KNL1: variants seen among roughly 807,000 people sequenced by gnomAD.
The protein encoded by KNL1 is kinetochore scaffold 1, also known as outer kinetochore KNL1 complex subunit KNL1.
A neutral mutation model predicts 201.3 loss-of-function variants in KNL1; 66 were observed. The ratio of observed to expected loss-of-function variants is 0.33; its 90% CI spans 0.27 to 0.40. KNL1 has a LOEUF of 0.40. KNL1 is among the 10% of genes least tolerant of loss of function. The pLI is 1.00. For missense variants in KNL1, 2,815 were observed against 2,690.5 expected (o/e 1.05, Z -1.02); for synonymous variants, 895 against 899.2 (o/e 1.00, Z 0.08).
At chr15:40,617,398 A>G (rs758398519) in intron 8 of KNL1, among the ~76,000 whole-genome samples, 2 of 152,260 alleles carry the variant, frequency 1.3e-5, no homozygotes, top group Non-Finnish European at 2.9e-5. Flanking sequence ...AGTCCATGAC[A>G]GAAAAGGAAT....
intron 13 of KNL1, among the ~76,000 whole-genome samples, chr15:40,634,867 C>G (rs1893010444): frequency 6.6e-6 from 1 of 152,046 alleles, no homozygotes; most frequent in Non-Finnish European, 1.5e-5. Context: ...CCTCCCAGGT[C>G]TTGCTGAAGT....
Position 40,663,636 on chromosome 15 carries a change from A to G in KNL1, c.*1448A>G, listed in dbSNP as rs1893975861. On this transcript the variant is annotated 3_prime_UTR_variant, in exon 26 of 26. Transcript: ENST00000399668. ...TTCATCAATTTCTAGCAGTAATAATAGACTTGCTGTAAGTATTGTTTTCTG... is the reference window on the plus strand; with the variant it reads ...TTCATCAATTTCTAGCAGTAATAATGGACTTGCTGTAAGTATTGTTTTCTG... 1 of 194,962 alleles carries G rather than the reference A, an allele frequency of 5.1e-6. No homozygotes were observed. Among genetic ancestry groups the G allele is most frequent in the African/African-American group, 2.3e-5 (1 of 43,246 alleles). The allele number at this position is 194,962 out of a possible 1,614,324, so 12.1% of individuals were successfully genotyped here. A position where few individuals can be genotyped will look rare whatever the true frequency, so the allele number is the denominator to read the frequency against.
chr15:40,610,386 T>C, intron 6 of KNL1, 89 bp downstream of exon 6: 1 of 733,164 alleles, frequency 1.4e-6, no homozygotes, highest in Non-Finnish European at 2.4e-6. Flanking sequence ...TAACTTATTG[T>C]CTATCTTATT....
intron 13 of KNL1, among the ~76,000 whole-genome samples, chr15:40,636,047 A>G (rs376031227): frequency 6.6e-6 from 1 of 152,258 alleles, no homozygotes; most frequent in South Asian, 2.1e-4. Context: ...CATGTTGACC[A>G]GGCTGGTCTC....
At chr15:40,657,297 C>A in intron 23 of KNL1, 58 bp from the exon 24 acceptor site, 2 of 1,109,654 alleles carry the variant, frequency 1.8e-6, no homozygotes, top group Non-Finnish European at 1.4e-6. Context: ...GTAAGTGAGC[C>A]ACTAAGCATT....
intron 17 of KNL1, among the ~76,000 whole-genome samples, chr15:40,648,829 CTTT>C (rs35251316): frequency 9.7e-5 from 10 of 103,268 alleles, no homozygotes; most frequent in Admixed American, 9.7e-5. Context: ...ACTTAACTTT[CTTT>C]TTTTTTTTTT....
intron 4 of KNL1, among the ~76,000 whole-genome samples, chr15:40,608,326 T>C (rs1270354130): frequency 2.8e-5 from 4 of 145,262 alleles, no homozygotes; most frequent in African/African-American, 1.0e-4. Context: ...ATACAAAAAA[T>C]TAGAGGTTGA....
rs770237054 is a variant in KNL1 at position 40,624,732 on chromosome 15, C to T, written c.4468C>T (p.Pro1490Ser). Residue 1490 changes from proline to serine, a missense_variant, in exon 10 of 26, where the codon CCC becomes TCC. Pro to Ser is a moderately conservative substitution (Grantham distance 74). Coordinates refer to ENST00000399668, the MANE Select transcript of KNL1 (RefSeq NM_144508.5). ...NSSAPICENK[P>S]KILNSEEWFA... is the part of the protein sequence containing the mutation. ...CTCTGCACCCATATGTGAAAACAAG[C>T]CCAAAATACTCAATAGTGAGGAATG... 3.1e-6 allele frequency: 5 copies of T among 1,613,482 alleles called. No homozygotes were observed. In the South Asian group the frequency reaches 3.3e-5, roughly 11 times the overall value.
At chr15:40,652,760 C>CAAAAAAA (rs3986318) in intron 21 of KNL1, among the ~76,000 whole-genome samples, 2 of 116,784 alleles carry the variant, frequency 1.7e-5, no homozygotes, top group African/African-American at 3.2e-5. Flanking sequence ...AAAACTGTCT[C>CAAAAAAA]AAAAAAAAAA....
chr15:40,659,367 G>A lies in KNL1; in HGVS notation c.6742G>A (p.Ala2248Thr). The A allele has an allele frequency of 6.2e-7, 1 of 1,613,178 alleles. No homozygotes were observed. The highest frequency in any genetic ancestry group is 1.1e-5 in the South Asian group (1 of 91,072). ...ELRLLFSSSA[A>T]FAKFEITLFL... Reference sequence around the variant, plus strand: ...GAGACTTTTATTCTCTAGCTCCGCAGCATTTGCAAAGTTTGAAATAACTTT... The same window carrying A: ...GAGACTTTTATTCTCTAGCTCCGCAACATTTGCAAAGTTTGAAATAACTTT... Residue 2248 changes from alanine to threonine, a missense_variant, in exon 25 of 26, where the codon GCA (alanine) becomes ACA (threonine). This residue lies in a region of KNL1 where 334 missense variants were observed against 362.6 expected (regional missense o/e 0.92). Transcript: ENST00000399668.
chr15:40,656,548 C>T (rs563660204), intron 22 of KNL1, among the ~76,000 whole-genome samples: 1 of 152,130 alleles, frequency 6.6e-6, no homozygotes, highest in Non-Finnish European at 1.5e-5. Flanking sequence ...GTAGAAATGT[C>T]CTATCTTCAC....
In KNL1 at chr15:40,646,968, T is replaced by C. The variant is rs780554737; in HGVS notation, c.6007-19T>C. On this transcript the variant is annotated intron_variant, in intron 16 of 25. Transcript: ENST00000399668. ...TCTTTAGAGGTTTAACTTGACAGTC[T>C]ATAATCTTTTGTATTTAGAATGAGA... The C allele has an allele frequency of 3.7e-5, 39 of 1,054,510 alleles. No individual in the cohort carries two copies. Among genetic ancestry groups the C allele is most frequent in the Non-Finnish European group, 5.2e-5 (35 of 673,120 alleles). 65.3% of individuals were successfully genotyped at this position (1,054,510 alleles called of 1,614,324 possible).
chr15:40,636,294 G>A (rs773158166), intron 13 of KNL1, among the ~76,000 whole-genome samples: 8 of 152,210 alleles, frequency 5.3e-5, no homozygotes, highest in Non-Finnish European at 1.0e-4. Flanking sequence ...TCTACCCACT[G>A]CATACAGCAT....
chr15:40,602,791 T>TCCCATCTTTGGTCTTCCCTC (rs1188866479), intron 1 of KNL1, 124 bp from the exon 2 acceptor site: 5 of 557,616 alleles, frequency 9.0e-6, no homozygotes, highest in Admixed American at 3.4e-5. Context: ...GGCCTTTCCT[T>TCCCATCTTTGGTCTTCCCTC]CCCATCTTTG....
At position 40,623,476 on chromosome 15, in the gene KNL1, A is replaced by G. The variant is rs768791725; in HGVS notation, c.3212A>G (p.Lys1071Arg). Residue 1071 changes from lysine to arginine, a missense_variant, in exon 10 of 26, where the codon AAA becomes AGA. Physicochemically the swap from Lys to Arg is conservative, Grantham distance 26. Coordinates refer to ENST00000399668, the MANE Select transcript of KNL1 (RefSeq NM_144508.5). ...KSQRRKSLKL[K>R]NDKTIVFSEN... ...CAGAGAAGAAAAAGCCTTAAGCTAA[A>G]AAATGACAAGACCATTGTATTTTCA... 2 of 1,611,966 alleles carry G rather than the reference A, an allele frequency of 1.2e-6. No homozygotes were observed. Among genetic ancestry groups the G allele is most frequent in the Non-Finnish European group, 1.7e-6 (2 of 1,179,432 alleles).
chr15:40,610,473 G>A lies in KNL1; in HGVS notation c.250+176G>A, dbSNP rs373217646. On this transcript the variant is annotated intron_variant, in intron 6 of 25. Coordinates refer to ENST00000399668, the MANE Select transcript of KNL1 (RefSeq NM_144508.5). ...GACACTTTGGCAGTCTGAGGTGGGA[G>A]GATCGCTTGAGCCCAGGAGTTCAAG... is the stretch of plus-strand genomic sequence containing the variant. 5.3e-5 allele frequency among the ~76,000 whole-genome samples: 8 copies of A among 152,318 alleles called. No homozygotes were observed. The South Asian group carries it at 1.7e-3, about 32-fold the overall frequency.
chr15:40,613,954 C>G (rs1272666941), intron 7 of KNL1, among the ~76,000 whole-genome samples: 1 of 151,926 alleles, frequency 6.6e-6, no homozygotes, highest in Admixed American at 6.6e-5. Context: ...CCTGCCACCA[C>G]GCCTGGCTCA....
At chr15:40,606,216 G>A (rs143571448) in intron 3 of KNL1, among the ~76,000 whole-genome samples, 177 bp from the exon 4 acceptor site, 1 of 152,304 alleles carries the variant, frequency 6.6e-6, no homozygotes, top group Non-Finnish European at 1.5e-5. Context: ...AGGTAGAAGG[G>A]AATAGATGTC....
chr15:40,611,946 G>A (rs533174102), intron 7 of KNL1, among the ~76,000 whole-genome samples: 202 of 152,206 alleles, frequency 1.3e-3, no homozygotes, highest in African/African-American at 4.6e-3. Flanking sequence ...TTGGGAGGCC[G>A]AGGCTGGTGG....
Sources: gnomAD v4.1 joint callset for allele counts (sites outside exome capture counted in the v4.1 genomes callset) on GRCh38, gnomAD v4.1.1 for gene constraint, gnomAD v4.1.1 regional missense constraint, MANE v1.5 for transcripts, NCBI Gene and HGNC (gene_info 2026-07-23, HGNC 2026-07-21) for gene names.